MGAT4C: variants seen among roughly 807,000 people sequenced by gnomAD.
MGAT4C encodes alpha-1,3-mannosyl-glycoprotein 4-beta-N-acetylglucosaminyltransferase C.
In MGAT4C, 19 loss-of-function variants were observed where a neutral mutation model predicts 40.1. The observed-to-expected ratio is 0.47, with a 90% CI of 0.33 to 0.70. The LOEUF is 0.70. Among genes scored for constraint, MGAT4C ranks in the 30% least tolerant of loss-of-function variants. The pLI is 0.02. For missense variants in MGAT4C, 491 were observed against 563.2 expected (o/e 0.87, Z 1.30); for synonymous variants, 181 against 187.1 (o/e 0.97, Z 0.27).
At chr12:86,508,555 C>G (rs1171365899) in intron 2 of MGAT4C, among the ~76,000 whole-genome samples, 65 of 152,126 alleles carry the variant, frequency 4.3e-4, no homozygotes, top group Admixed American at 9.8e-4. Flanking sequence ...ATGATTTATA[C>G]TCCTTTGGGT....
rs183134586 is a variant in MGAT4C, at chr12:86,518,066, G to T, written c.-228-82801C>A. Among the ~76,000 whole-genome samples, 496 of 152,266 alleles carry T rather than the reference G, an allele frequency of 3.3e-3. 3 individuals carry two copies. Among genetic ancestry groups the T allele is most frequent in the African/African-American group, 0.011 (474 of 41,544 alleles). ...AACATGCAAGCTTTCTTATCAACCT[G>T]CAGAAATATGGGGCAAGATGAGAAG... On this transcript the variant is annotated intron_variant, in intron 2 of 7. Coordinates refer to the MGAT4C transcript ENST00000548651.
intron 1 of MGAT4C, among the ~76,000 whole-genome samples, chr12:86,181,144 C>T (rs1221611821): frequency 1.3e-5 from 2 of 152,164 alleles, no homozygotes; most frequent in African/African-American, 2.4e-5. Context: ...TTCTTCCTCA[C>T]TTTTCTCTTG....
chr12:86,017,573 CG>C (rs1421662916), intron 2 of MGAT4C, among the ~76,000 whole-genome samples: 5 of 151,954 alleles, frequency 3.3e-5, no homozygotes, highest in Non-Finnish European at 5.9e-5. Context: ...AAAAAGGTAA[CG>C]AAAAAATATT....
chr12:86,199,513 T>C (rs1341009894), intron 1 of MGAT4C, among the ~76,000 whole-genome samples: 1 of 152,190 alleles, frequency 6.6e-6, no homozygotes, highest in African/African-American at 2.4e-5. Context: ...AATAAGCATA[T>C]ATTAATATTT....
At chr12:86,715,371 G>A (rs1252329318) in intron 2 of MGAT4C, among the ~76,000 whole-genome samples, 1 of 152,094 alleles carries the variant, frequency 6.6e-6, no homozygotes, top group Non-Finnish European at 1.5e-5. Flanking sequence ...AGTAGCTGAT[G>A]GGTGAGGAGC....
At position 86,433,412 on chromosome 12, in the gene MGAT4C, G is replaced by T. The variant is rs12424893; in HGVS notation, c.-120+1745C>A. 2.2e-3 allele frequency among the ~76,000 whole-genome samples: 327 copies of T among 151,822 alleles called. 5 individuals carry two copies. The highest frequency in any genetic ancestry group is 0.018 in the Admixed American group (276 of 15,212). On this transcript the variant is annotated intron_variant, in intron 3 of 7. Coordinates refer to the MGAT4C transcript ENST00000548651. Reference sequence around the variant, plus strand: ...CTGTCTGAGATTCGCTTAAAAGTTGGAAAGATATAAACTGAGGGAATTGAT... The same window carrying T: ...CTGTCTGAGATTCGCTTAAAAGTTGTAAAGATATAAACTGAGGGAATTGAT...
At chr12:86,055,463 C>T (rs994792913) in intron 1 of MGAT4C, among the ~76,000 whole-genome samples, 2 of 151,998 alleles carry the variant, frequency 1.3e-5, no homozygotes, top group African/African-American at 4.8e-5. Flanking sequence ...TGAGTAAATA[C>T]ATTAATATCA....
intron 1 of MGAT4C, among the ~76,000 whole-genome samples, chr12:86,793,154 ATTTT>A (rs1050999195): frequency 1.3e-5 from 2 of 151,992 alleles, no homozygotes; most frequent in African/African-American, 2.4e-5. Flanking sequence ...TTGGATAGTG[ATTTT>A]TTTATTTGAT....
At position 86,224,516 on chromosome 12, in the gene MGAT4C, C is replaced by T. The variant is rs796413829; in HGVS notation, c.-57+31723G>A. Among the ~76,000 whole-genome samples, 17 of 152,222 alleles carry T rather than the reference C, an allele frequency of 1.1e-4. 1 individual carries two copies. The highest frequency in any genetic ancestry group is 3.4e-3 in the Middle Eastern group (1 of 292). Reference sequence around the variant, plus strand: ...CAGAATATACAGTCATTAATCAGCACGTGTAGCATTATTCAGAGTAAACCA... The same window carrying T: ...CAGAATATACAGTCATTAATCAGCATGTGTAGCATTATTCAGAGTAAACCA... On this transcript the variant is annotated intron_variant, in intron 1 of 4. Transcript: ENST00000611864.
chr12:86,091,445 AC>A (rs995620206), intron 1 of MGAT4C, among the ~76,000 whole-genome samples: 1 of 152,054 alleles, frequency 6.6e-6, no homozygotes, highest in African/African-American at 2.4e-5. Flanking sequence ...CTAGCCAAAT[AC>A]AAAAGAAAGC....
chr12:86,033,447 A>G (rs1040426944), intron 2 of MGAT4C, among the ~76,000 whole-genome samples: 1 of 149,476 alleles, frequency 6.7e-6, no homozygotes, highest in Non-Finnish European at 1.5e-5. Flanking sequence ...GCAGTATTTT[A>G]TCTCTCACTG....
chr12:86,057,447 A>G (rs1893518921), intron 1 of MGAT4C, among the ~76,000 whole-genome samples: 1 of 152,122 alleles, frequency 6.6e-6, no homozygotes, highest in Non-Finnish European at 1.5e-5. Flanking sequence ...TTTTACTCCC[A>G]CCAATAATTC....
chr12:86,639,284 G>C (rs942383114), intron 2 of MGAT4C, among the ~76,000 whole-genome samples: 1 of 151,572 alleles, frequency 6.6e-6, no homozygotes, highest in Non-Finnish European at 1.5e-5. Flanking sequence ...TTTTACATCA[G>C]GCAATCTATT....
chr12:86,299,158 C>T (rs1185867919), intron 4 of MGAT4C, among the ~76,000 whole-genome samples: 3 of 152,142 alleles, frequency 2.0e-5, no homozygotes, highest in East Asian at 1.9e-4. Flanking sequence ...CTCTGTCGCC[C>T]AGGCTGGAGT....
intron 2 of MGAT4C, chr12:86,495,258 G>A (rs1958216695): frequency 6.6e-6 from 1 of 151,996 alleles, no homozygotes; most frequent in South Asian, 2.1e-4. Context: ...TACTTTTGAA[G>A]GCCCCCGTCA....
chr12:86,269,103 C>A (rs1336301932), intron 4 of MGAT4C, among the ~76,000 whole-genome samples: 1 of 139,078 alleles, frequency 7.2e-6, no homozygotes, highest in Non-Finnish European at 1.5e-5. Context: ...TTTTCACTAA[C>A]CTCATGACAT....
intron 2 of MGAT4C, among the ~76,000 whole-genome samples, chr12:86,610,509 T>G (rs1962212295): frequency 6.6e-6 from 1 of 152,116 alleles, no homozygotes; most frequent in Non-Finnish European, 1.5e-5. Flanking sequence ...GTCATTCTCC[T>G]GGAAGCAGAC....
chr12:86,390,326 T>C (rs1157761366), intron 3 of MGAT4C, among the ~76,000 whole-genome samples: 2 of 152,212 alleles, frequency 1.3e-5, no homozygotes, highest in African/African-American at 4.8e-5. Flanking sequence ...TTACGTACCA[T>C]AGTTAAGAAA....
Position 86,078,208 on chromosome 12 carries a change from C to T in MGAT4C, c.-56-28485G>A, listed in dbSNP as rs545454788. Among the ~76,000 whole-genome samples, 3 of 152,248 alleles carry T rather than the reference C, an allele frequency of 2.0e-5. No homozygotes were observed. In the South Asian group the frequency reaches 6.2e-4, roughly 32 times the overall value. On this transcript the variant is annotated intron_variant, in intron 1 of 4. Transcript: ENST00000611864. ...AGCATCAGCCTTCTAGAGAACTTTG[C>T]CCCAGCCCTGCTAAGTATTGTCACC...
Sources: gnomAD v4.1 joint callset for allele counts (sites outside exome capture counted in the v4.1 genomes callset) on GRCh38, gnomAD v4.1.1 for gene constraint, MANE v1.5 for transcripts, NCBI Gene and HGNC (gene_info 2026-07-23, HGNC 2026-07-21) for gene names.